HAS2: variants seen among roughly 807,000 people sequenced by gnomAD.
HAS2 encodes hyaluronan synthase 2, also known as HA synthase 2.
Under a neutral mutation model 51.6 loss-of-function variants are expected in HAS2, and 16 were observed. The ratio of observed to expected loss-of-function variants is 0.31; its 90% CI spans 0.21 to 0.47. The LOEUF is 0.47. Ranked by LOEUF, HAS2 falls within the 20% of genes least tolerant of loss-of-function variation. The probability of loss-of-function intolerance (pLI) is 1.00; values close to 1 mark genes in which losing one functional copy is unlikely to be tolerated. For synonymous variants in HAS2, 228 were observed against 235.5 expected (o/e 0.97, Z 0.29); for missense variants, 361 against 662.6 (o/e 0.54, Z 5.00).
chr8:121,621,819 T>C (rs928019358), intron 2 of HAS2, among the ~76,000 whole-genome samples: 1 of 152,202 alleles, frequency 6.6e-6, no homozygotes, highest in African/African-American at 2.4e-5. Flanking sequence ...CAAATCTCCA[T>C]GTTTTACTTT....
chr8:121,614,821 T>A lies in HAS2; in HGVS notation c.947A>T (p.His316Leu). 6.2e-7 allele frequency: 1 copy of A among 1,614,258 alleles called. No homozygotes were observed. Among genetic ancestry groups the A allele is most frequent in the Non-Finnish European group, 8.5e-7 (1 of 1,180,042 alleles). The change falls in exon 4 of 4, where the codon CAT (histidine) becomes CTT (leucine). Residue 316 changes from histidine to leucine, a missense_variant. Physicochemically the swap from His to Leu is moderately conservative, Grantham distance 99. This residue lies in a region of HAS2 where 106 missense variants were observed against 241.0 expected (regional missense o/e 0.44). Coordinates refer to ENST00000303924, the MANE Select transcript of HAS2 (RefSeq NM_005328.3). The surrounding 1 kb of genome is among the most constrained non-coding windows in gnomAD (Gnocchi z 7.2). The stretch of plus-strand genomic sequence containing the variant: ...CAGGCTCAGCACCCGGTTCGTGAGA[T>A]GCCTGTCATCACCAAAGCTACATTG... ...GNQCSFGDDR[H>L]LTNRVLSLGY...
chr8:121,628,903 A>G lies in HAS2; in HGVS notation c.438T>C (p.Tyr146=), dbSNP rs1331080575. 1 of 1,614,150 alleles carries G rather than the reference A, an allele frequency of 6.2e-7. No individual in the cohort carries two copies. The highest frequency in any genetic ancestry group is 8.5e-7 in the Non-Finnish European group (1 of 1,179,984). Residue 146 remains tyrosine, a synonymous_variant, in exon 2 of 4, where the codon TAT becomes TAC. Coordinates refer to ENST00000303924, the MANE Select transcript of HAS2 (RefSeq NM_005328.3). Reference sequence around the variant, plus strand: ...TTTCGTGGAAGTTGTTCTTCCAGATATAAGTGGCTGATTTGTCTCTGCCCA... The same window carrying G: ...TTTCGTGGAAGTTGTTCTTCCAGATGTAAGTGGCTGATTTGTCTCTGCCCA... ...EVMGRDKSAT[Y]IWKNNFHEKG...
chr8:121,615,662 C>T lies in HAS2; in HGVS notation c.730-624G>A, dbSNP rs556438858. Among the ~76,000 whole-genome samples the T allele has an allele frequency of 5.9e-5, 9 of 151,960 alleles. No individual in the cohort carries two copies. In the South Asian group the frequency reaches 1.9e-3, roughly 32 times the overall value. ...TTTTTTTAGGCTTTAGATCTCAATC[C>T]CTAAACTCTTTTCCCAGGCACTCTT... On this transcript the variant is annotated intron_variant, in intron 3 of 3. Transcript: ENST00000303924.
chr8:121,617,596 AAT>A (rs1043069990), intron 2 of HAS2, among the ~76,000 whole-genome samples: 11 of 152,052 alleles, frequency 7.2e-5, no homozygotes, highest in Non-Finnish European at 1.5e-4. Context: ...GAAAAAAAAA[AAT>A]GTTTTCTTGT....
intron 2 of HAS2, among the ~76,000 whole-genome samples, chr8:121,623,161 C>T (rs1812796444): frequency 6.6e-6 from 1 of 152,030 alleles, no homozygotes; most frequent in Admixed American, 6.6e-5. Flanking sequence ...ACAAGCCTTC[C>T]TTAGTAGAAT....
In HAS2 at chr8:121,617,026, T is replaced by C. The variant is rs1034111630; in HGVS notation, c.729+79A>G. On this transcript the variant is annotated intron_variant, in intron 3 of 3. Transcript: ENST00000303924. ...ACAGAGTTAGTGTTTAATAAATGTA[T>C]GTTCAATGAGTCAATGAGTAAAAGT... 6 of 792,158 alleles carry C rather than the reference T, an allele frequency of 7.6e-6. No homozygotes were observed. In the Admixed American group the frequency reaches 8.0e-5, roughly 11 times the overall value. The allele number at this position is 792,158 out of a possible 1,614,324, so 49.1% of individuals were successfully genotyped here.
At position 121,621,773 on chromosome 8, in the gene HAS2, T is replaced by G. The variant is rs1404601897; in HGVS notation, c.628-4567A>C. 5.3e-5 allele frequency among the ~76,000 whole-genome samples: 8 copies of G among 152,328 alleles called. No homozygotes were observed. The East Asian group carries it at 7.7e-4, about 15-fold the overall frequency. ...AATCTCCTGTAGAAATACTGTTATC[T>G]ATTCTACCAGATGCCTTGATCCAAG... On this transcript the variant is annotated intron_variant, in intron 2 of 3. Coordinates refer to ENST00000303924, the MANE Select transcript of HAS2 (RefSeq NM_005328.3).
intron 1 of HAS2, among the ~76,000 whole-genome samples, chr8:121,630,916 G>C (rs549416315): frequency 1.3e-5 from 2 of 152,270 alleles, no homozygotes; most frequent in East Asian, 3.9e-4. Context: ...AAGGGGATCT[G>C]CACTGTACTT....
rs1441791385 is a variant in HAS2 at position 121,629,008 on chromosome 8, GTAGGT to G, written c.328_332del (p.Thr110ProfsTer4). 1 of 1,614,048 alleles carries G rather than the reference GTAGGT, an allele frequency of 6.2e-7. No individual in the cohort carries two copies. The highest frequency in any genetic ancestry group is 1.1e-5 in the South Asian group (1 of 91,086). On this transcript the variant is annotated frameshift_variant, in exon 2 of 4. Transcript: ENST00000303924. LOFTEE classifies it high-confidence loss of function. ...TGACCATGACAACTTTAATCCCAGG[GTAGGT>G]TAGCCTTTTCACAGATTGCAAACAT...
Position 121,615,048 on chromosome 8 carries a change from G to C in HAS2, c.730-10C>G, listed in dbSNP as rs1563619431. 1 of 1,583,690 alleles carries C rather than the reference G, an allele frequency of 6.3e-7. No individual in the cohort carries two copies. Among genetic ancestry groups the C allele is most frequent in the Non-Finnish European group, 8.6e-7 (1 of 1,164,592 alleles). ...CGTACTTGTTTAAAATCTGCAAGAA[G>C]AAAAACATAAGTAATAGGTAAGCTT... On this transcript the variant is annotated splice_polypyrimidine_tract_variant and intron_variant, in intron 3 of 3. Coordinates refer to ENST00000303924, the MANE Select transcript of HAS2 (RefSeq NM_005328.3).
chr8:121,623,828 AC>A (rs1812808015), intron 2 of HAS2, among the ~76,000 whole-genome samples: 1 of 152,188 alleles, frequency 6.6e-6, no homozygotes, highest in Non-Finnish European at 1.5e-5. Context: ...AAATAAACTT[AC>A]TATTCTCAAT....
At chr8:121,632,673 A>G (rs1008916582) in intron 1 of HAS2, among the ~76,000 whole-genome samples, 1 of 152,150 alleles carries the variant, frequency 6.6e-6, no homozygotes, top group Non-Finnish European at 1.5e-5. Flanking sequence ...AGGACATAAA[A>G]CACTGCCCAG....
chr8:121,641,293 T>C lies in HAS2; in HGVS notation c.-441A>G, dbSNP rs968952175. The C allele has an allele frequency of 4.3e-5, 6 of 138,692 alleles. No individual in the cohort carries two copies. Among genetic ancestry groups the C allele is most frequent in the African/African-American group, 8.2e-5 (3 of 36,794 alleles). 8.6% of individuals were successfully genotyped at this position (138,692 alleles called of 1,614,324 possible). On this transcript the variant is annotated 5_prime_UTR_variant, in exon 1 of 4. Transcript: ENST00000303924. The stretch of plus-strand genomic sequence containing the variant: ...TCAGCAGAACCCAGGAAGCGCAGAA[T>C]TGGGAGAAAAGTCTTTGGCTGGGGC...
Position 121,615,054 on chromosome 8 carries a change from C to T in HAS2, c.730-16G>A. On this transcript the variant is annotated splice_polypyrimidine_tract_variant and intron_variant, in intron 3 of 3. Transcript: ENST00000303924. The stretch of plus-strand genomic sequence containing the variant: ...TGTTTAAAATCTGCAAGAAGAAAAA[C>T]ATAAGTAATAGGTAAGCTTTAGCTA... 1 of 1,575,514 alleles carries T rather than the reference C, an allele frequency of 6.3e-7. No individual in the cohort carries two copies. Among genetic ancestry groups the T allele is most frequent in the Non-Finnish European group, 8.6e-7 (1 of 1,158,148 alleles).
chr8:121,628,190 C>T (rs1425852127), intron 2 of HAS2, among the ~76,000 whole-genome samples: 1 of 151,832 alleles, frequency 6.6e-6, no homozygotes, highest in Admixed American at 6.6e-5. Context: ...TTTTCCTTTT[C>T]CTTCTCTCAA....
chr8:121,638,263 G>A (rs1813040568), intron 1 of HAS2, among the ~76,000 whole-genome samples: 1 of 152,200 alleles, frequency 6.6e-6, no homozygotes, highest in Admixed American at 6.5e-5. Context: ...TTACTTTCTA[G>A]TAACAGTTTC....
At chr8:121,639,798 G>A in intron 1 of HAS2, 1 of 152,502 alleles carries the variant, frequency 6.6e-6, no homozygotes, top group Non-Finnish European at 1.5e-5. Context: ...GGCGGGAACT[G>A]CCGTGACGAA....
rs1812675177 is a variant in HAS2 at position 121,614,385 on chromosome 8, A to G, written c.1383T>C (p.Ala461=). Residue 461 remains alanine (A), a synonymous_variant, in exon 4 of 4, where the codon GCT becomes GCC. Coordinates refer to ENST00000303924, the MANE Select transcript of HAS2 (RefSeq NM_005328.3). This position sits in a 1 kb window ranked among gnomAD's most constrained non-coding sequence, Gnocchi z 7.2. ...TTTTCCTTCCTGATGTGCCCCACCC[A>G]GCTTTGTTTATTGTTGCAATTGCAA... The part of the protein sequence containing the change: ...KMFAIATINK[A]GWGTSGRKTI... 1 of 1,614,020 alleles carries G rather than the reference A, an allele frequency of 6.2e-7. No homozygotes were observed. The highest frequency in any genetic ancestry group is 1.3e-5 in the African/African-American group (1 of 74,934).
chr8:121,624,385 C>A (rs1415929551), intron 2 of HAS2, among the ~76,000 whole-genome samples: 2 of 152,210 alleles, frequency 1.3e-5, no homozygotes, highest in Non-Finnish European at 2.9e-5. Context: ...CTGGAACATG[C>A]ACATTGGATG....
Sources: allele counts gnomAD v4.1 joint callset (sites outside exome capture counted in the v4.1 genomes callset), GRCh38; gene constraint gnomAD v4.1.1; regional missense constraint gnomAD v4.1.1; non-coding constraint Gnocchi (gnomAD v3.1); transcripts MANE v1.5; gene names NCBI Gene and HGNC (gene_info 2026-07-23, HGNC 2026-07-21).